The following SORCS2 variants were observed in gnomAD, a reference collection of about 807,000 sequenced individuals.
SORCS2 encodes sortilin related VPS10 domain containing receptor 2, also known as VPS10 domain-containing receptor SorCS2.
A neutral mutation model predicts 141.6 loss-of-function variants in SORCS2; 100 were observed. The observed-to-expected ratio is 0.71, with a 90% CI of 0.60 to 0.83. The LOEUF is 0.83. Among genes scored for constraint, SORCS2 ranks in the 40% least tolerant of loss-of-function variants. The probability of loss-of-function intolerance (pLI) is 0.00; values close to 1 mark genes in which losing one functional copy is unlikely to be tolerated. For missense variants in SORCS2, 1,646 were observed against 1,560.2 expected (o/e 1.05, Z -0.93); for synonymous variants, 789 against 676.9 (o/e 1.17, Z -2.57).
At chr4:7,626,030 C>G (rs1419364180) in intron 3 of SORCS2, among the ~76,000 whole-genome samples, 5 of 151,990 alleles carry the variant, frequency 3.3e-5, no homozygotes, top group African/African-American at 1.2e-4. Context: ...CCTGTGGTTC[C>G]CAGCGACTCA....
rs144721533 is a variant in SORCS2, at chr4:7,284,162, G to A, written c.480+91036G>A. On this transcript the variant is annotated intron_variant, in intron 1 of 26. Coordinates refer to ENST00000507866, the MANE Select transcript of SORCS2 (RefSeq NM_020777.3). ...GACCGCGCCCCCTTCACTCAAGCACGAAGCTCCTTCCCTGGCCATTTTCAA... is the reference window on the plus strand; with the variant it reads ...GACCGCGCCCCCTTCACTCAAGCACAAAGCTCCTTCCCTGGCCATTTTCAA... Among the ~76,000 whole-genome samples, 4 of 152,286 alleles carry A rather than the reference G, an allele frequency of 2.6e-5. No individual in the cohort carries two copies. In the East Asian group the frequency reaches 7.7e-4, roughly 29 times the overall value.
rs559637767 is a variant in SORCS2 at position 7,689,057 on chromosome 4, G to C, written c.1489-429G>C. 3.9e-5 allele frequency among the ~76,000 whole-genome samples: 6 copies of C among 152,292 alleles called. No individual in the cohort carries two copies. In the East Asian group the frequency reaches 7.7e-4, roughly 20 times the overall value. Reference sequence around the variant, plus strand: ...ATAAGTATGAGCTTGGGCTGTGCAGGCTCCAGGAATCACATCCCATGGCCC... The same window carrying C: ...ATAAGTATGAGCTTGGGCTGTGCAGCCTCCAGGAATCACATCCCATGGCCC... On this transcript the variant is annotated intron_variant, in intron 10 of 26. Coordinates refer to ENST00000507866, the MANE Select transcript of SORCS2 (RefSeq NM_020777.3).
chr4:7,255,854 CGGG>C (rs1713824403), intron 1 of SORCS2, among the ~76,000 whole-genome samples: 1 of 105,386 alleles, frequency 9.5e-6, no homozygotes, highest in Admixed American at 9.2e-5. Flanking sequence ...CGTGGGGACC[CGGG>C]GCTGGAGCGT....
chr4:7,392,935 G>T (rs903876712), intron 1 of SORCS2, among the ~76,000 whole-genome samples: 1 of 150,852 alleles, frequency 6.6e-6, no homozygotes, highest in South Asian at 2.1e-4. Flanking sequence ...TGGATGAGTC[G>T]ATGCTTGTCA....
chr4:7,733,527 C>G (rs995713057), intron 24 of SORCS2, 106 bp downstream of exon 24: 1 of 914,800 alleles, frequency 1.1e-6, no homozygotes. Flanking sequence ...TATCCCCCTC[C>G]TGGTGGGTGT....
intron 2 of SORCS2, among the ~76,000 whole-genome samples, chr4:7,512,191 A>C (rs1732699196): frequency 6.6e-6 from 1 of 151,996 alleles, no homozygotes; most frequent in African/African-American, 2.4e-5. Context: ...AGAGCATCTG[A>C]GAGGCTCGCA....
At chr4:7,452,895 T>A in intron 2 of SORCS2, among the ~76,000 whole-genome samples, 1 of 133,994 alleles carries the variant, frequency 7.5e-6, no homozygotes, top group East Asian at 2.2e-4. Context: ...GGTCAGGCGC[T>A]GTGTTGGGGT....
chr4:7,242,924 G>A (rs1213590366), intron 1 of SORCS2, among the ~76,000 whole-genome samples: 4 of 152,208 alleles, frequency 2.6e-5, no homozygotes, highest in African/African-American at 7.2e-5. Flanking sequence ...CCGGGAAAAC[G>A]CTGGTTGGAT....
At chr4:7,306,117 C>T (rs1717812076) in intron 1 of SORCS2, among the ~76,000 whole-genome samples, 1 of 152,288 alleles carries the variant, frequency 6.6e-6, no homozygotes, top group African/African-American at 2.4e-5. Flanking sequence ...TCCACCCTGT[C>T]CCCATCCCAC....
chr4:7,469,876 AC>A (rs1729863214), intron 2 of SORCS2, among the ~76,000 whole-genome samples: 1 of 152,228 alleles, frequency 6.6e-6, no homozygotes, highest in African/African-American at 2.4e-5. Context: ...GATCAGTGGC[AC>A]AGAGAGTGGG....
chr4:7,581,169 C>G (rs1305642987), intron 3 of SORCS2, among the ~76,000 whole-genome samples: 5 of 145,776 alleles, frequency 3.4e-5, no homozygotes, highest in Non-Finnish European at 7.6e-5. Context: ...AAAAAAAAAG[C>G]TACAATAAGT....
At chr4:7,635,613 T>C (rs892093187) in intron 3 of SORCS2, among the ~76,000 whole-genome samples, 2 of 152,222 alleles carry the variant, frequency 1.3e-5, no homozygotes, top group Non-Finnish European at 2.9e-5. Context: ...TTTTGCACCT[T>C]GCTTTTATTC....
At chr4:7,511,267 C>G (rs1732622792) in intron 2 of SORCS2, among the ~76,000 whole-genome samples, 1 of 151,478 alleles carries the variant, frequency 6.6e-6, no homozygotes, top group Admixed American at 6.6e-5. Flanking sequence ...GACAGAGAGC[C>G]AGGTCTGTGC....
At chr4:7,331,457 G>A (rs1012349730) in intron 1 of SORCS2, among the ~76,000 whole-genome samples, 32 of 152,114 alleles carry the variant, frequency 2.1e-4, no homozygotes, top group Non-Finnish European at 2.9e-5. Context: ...GTACCCACGC[G>A]GGAAGGAGGT....
chr4:7,422,532 G>A (rs1726147822), intron 2 of SORCS2, among the ~76,000 whole-genome samples: 1 of 152,168 alleles, frequency 6.6e-6, no homozygotes, highest in Non-Finnish European at 1.5e-5. Context: ...GCAAGTCAGA[G>A]CTGGGGGCAG....
At chr4:7,443,180 A>T (rs997470500) in intron 2 of SORCS2, among the ~76,000 whole-genome samples, 1 of 152,180 alleles carries the variant, frequency 6.6e-6, no homozygotes, top group Non-Finnish European at 1.5e-5. Context: ...CAGGGTTAGG[A>T]CTTGAACATA....
Position 7,214,751 on chromosome 4 carries a change from G to T in SORCS2, c.480+21625G>T, listed in dbSNP as rs551827507. On this transcript the variant is annotated intron_variant, in intron 1 of 26. Coordinates refer to ENST00000507866, the MANE Select transcript of SORCS2 (RefSeq NM_020777.3). ...CTGGTTTCTGCAGAGAGCCAGTGAG[G>T]TCAGCACCTAGCTGAGGCTGTGGAA... Among the ~76,000 whole-genome samples the T allele has an allele frequency of 6.6e-5, 10 of 152,326 alleles. 1 individual carries two copies. In the South Asian group the frequency reaches 1.7e-3, roughly 25 times the overall value.
chr4:7,243,739 T>G (rs1712873258), intron 1 of SORCS2, among the ~76,000 whole-genome samples: 1 of 152,234 alleles, frequency 6.6e-6, no homozygotes, highest in African/African-American at 2.4e-5. Context: ...GCTTCTCAGT[T>G]AGGGCGTGGG....
At chr4:7,439,952 T>A (rs1234159356) in intron 2 of SORCS2, among the ~76,000 whole-genome samples, 2 of 152,158 alleles carry the variant, frequency 1.3e-5, no homozygotes, top group Non-Finnish European at 2.9e-5. Flanking sequence ...TTCTCCGAAG[T>A]GACCACAGCA....
Sources: allele counts gnomAD v4.1 joint callset (sites outside exome capture counted in the v4.1 genomes callset), GRCh38; gene constraint gnomAD v4.1.1; transcripts MANE v1.5; gene names NCBI Gene and HGNC (gene_info 2026-07-23, HGNC 2026-07-21).